IL1RAPL1: variants seen among roughly 807,000 people sequenced by gnomAD.
IL1RAPL1 encodes the protein interleukin 1 receptor accessory protein like 1, also known as interleukin-1 receptor accessory protein-like 1.
A neutral mutation model predicts 48.4 loss-of-function variants in IL1RAPL1; 3 were observed. That is an observed-to-expected ratio of 0.06 (90% CI 0.03 to 0.16). The LOEUF (loss-of-function observed/expected upper bound fraction) is 0.16. Ranked by LOEUF, IL1RAPL1 falls within the 10% of genes least tolerant of loss-of-function variation. IL1RAPL1 has a pLI of 1.00. For missense variants in IL1RAPL1, 349 were observed against 530.6 expected (o/e 0.66, Z 3.36); for synonymous variants, 185 against 187.7 (o/e 0.99, Z 0.12).
At chrX:29,686,726 T>G (rs1440690714) in intron 6 of IL1RAPL1, among the ~76,000 whole-genome samples, 6 of 108,218 alleles carry the variant, frequency 5.5e-5, no homozygotes, top group African/African-American at 2.0e-4. Context: ...CCCAGCTAAT[T>G]TTTTGTATTT....
intron 2 of IL1RAPL1, among the ~76,000 whole-genome samples, chrX:29,049,197 C>T (rs755986148): frequency 1.3e-4 from 15 of 112,111 alleles, no homozygotes; most frequent in Non-Finnish European, 2.1e-4. Flanking sequence ...CTTTTCAGAC[C>T]GTTTTATTGG....
intron 3 of IL1RAPL1, among the ~76,000 whole-genome samples, chrX:29,351,800 C>T (rs1439170424): frequency 1.8e-5 from 2 of 111,538 alleles, no homozygotes; most frequent in African/African-American, 6.5e-5. Context: ...TGCTTTTATC[C>T]AAGCTGCCCT....
At chrX:29,171,364 T>C (rs1929904140) in intron 2 of IL1RAPL1, among the ~76,000 whole-genome samples, 1 of 111,679 alleles carries the variant, frequency 9.0e-6, no homozygotes, top group Admixed American at 9.6e-5. Flanking sequence ...TCTGTGTGAA[T>C]GACCTGAACT....
chrX:29,120,302 G>A (rs1928756304), intron 2 of IL1RAPL1, among the ~76,000 whole-genome samples: 2 of 111,710 alleles, frequency 1.8e-5, no homozygotes, highest in South Asian at 3.7e-4. Flanking sequence ...AATTCATCTC[G>A]AGTTATTTTT....
At chrX:29,037,467 T>C (rs1926753804) in intron 2 of IL1RAPL1, among the ~76,000 whole-genome samples, 1 of 111,622 alleles carries the variant, frequency 9.0e-6, no homozygotes, top group Non-Finnish European at 1.9e-5. Context: ...ATACTAAAAA[T>C]GGAATTATTT....
At chrX:29,080,949 TTTCTTTCTTTCTTTCTTTC>T (rs747961366) in intron 2 of IL1RAPL1, among the ~76,000 whole-genome samples, 1 of 30,236 alleles carries the variant, frequency 3.3e-5, no homozygotes, top group African/African-American at 2.0e-4. Context: ...TCTTTCTTTC[TTTCTTTCTTTCTTTCTTTC>T]TTTCTTTCTT....
chrX:29,855,411 T>A (rs1931457883), intron 6 of IL1RAPL1, among the ~76,000 whole-genome samples: 1 of 111,892 alleles, frequency 8.9e-6, no homozygotes, highest in African/African-American at 3.2e-5. Flanking sequence ...TCTTTAAATA[T>A]ATGCCATTTT....
rs186924261 is a variant in IL1RAPL1 at position 29,879,539 on chromosome X, T to C, written c.779-37925T>C. Among the ~76,000 whole-genome samples, 7 of 109,723 alleles carry C rather than the reference T, an allele frequency of 6.4e-5. No individual in the cohort carries two copies. The East Asian group carries it at 1.7e-3, about 27-fold the overall frequency. On this transcript the variant is annotated intron_variant, in intron 6 of 10. Coordinates refer to ENST00000378993, the MANE Select transcript of IL1RAPL1 (RefSeq NM_014271.4). ...TTTAAAATATATCAAAAATATCATA[T>C]TGTTCCTTATAAATCTATAAGCATA...
intron 2 of IL1RAPL1, among the ~76,000 whole-genome samples, chrX:28,957,279 A>C (rs1347699225): frequency 8.9e-6 from 1 of 111,941 alleles, no homozygotes; most frequent in African/African-American, 3.2e-5. Flanking sequence ...AACTTAAAGT[A>C]TAATAATAAA....
chrX:29,502,173 T>C (rs975503368), intron 5 of IL1RAPL1, among the ~76,000 whole-genome samples: 16 of 111,592 alleles, frequency 1.4e-4, no homozygotes, highest in Non-Finnish European at 3.0e-4. Flanking sequence ...ATTTGGTTTT[T>C]TTGTATCCTG....
At chrX:28,624,821 C>T (rs2146890191) in intron 1 of IL1RAPL1, among the ~76,000 whole-genome samples, 1 of 112,178 alleles carries the variant, frequency 8.9e-6, no homozygotes, top group East Asian at 2.8e-4. Context: ...TCCCCAATGA[C>T]TCTGAACCGA....
At chrX:29,445,030 G>C (rs1355057443) in intron 5 of IL1RAPL1, among the ~76,000 whole-genome samples, 1 of 112,410 alleles carries the variant, frequency 8.9e-6, no homozygotes, top group African/African-American at 3.2e-5. Context: ...TAGCCCTGTG[G>C]GCTGAAGTTG....
At chrX:29,546,728 T>A (rs1011387285) in intron 5 of IL1RAPL1, among the ~76,000 whole-genome samples, 2 of 111,927 alleles carry the variant, frequency 1.8e-5, no homozygotes. Flanking sequence ...TTCACTTTAG[T>A]TATCAGAAGT....
chrX:29,545,365 C>T (rs1356910453), intron 5 of IL1RAPL1, among the ~76,000 whole-genome samples: 1 of 111,426 alleles, frequency 9.0e-6, no homozygotes, highest in Non-Finnish European at 1.9e-5. Flanking sequence ...TAATACCTTA[C>T]ATGGTATAAA....
intron 1 of IL1RAPL1, among the ~76,000 whole-genome samples, chrX:28,748,449 G>T (rs1340982945): frequency 9.0e-6 from 1 of 111,501 alleles, no homozygotes; most frequent in Non-Finnish European, 1.9e-5. Context: ...AGGTTTTTGT[G>T]GGTATATGGT....
intron 5 of IL1RAPL1, among the ~76,000 whole-genome samples, chrX:29,466,413 A>G (rs759367408): frequency 9.0e-6 from 1 of 111,725 alleles, no homozygotes; most frequent in African/African-American, 3.3e-5. Flanking sequence ...AAAACCTGAA[A>G]CCTCCTGTCC....
At chrX:29,122,366 G>T (rs1928805490) in intron 2 of IL1RAPL1, among the ~76,000 whole-genome samples, 1 of 106,798 alleles carries the variant, frequency 9.4e-6, no homozygotes, top group Non-Finnish European at 1.9e-5. Flanking sequence ...CATAGAAATT[G>T]ATTTGGGATA....
intron 1 of IL1RAPL1, among the ~76,000 whole-genome samples, chrX:28,661,101 T>G (rs1267676565): frequency 8.9e-6 from 1 of 111,791 alleles, no homozygotes; most frequent in Non-Finnish European, 1.9e-5. Context: ...CATCTAGATC[T>G]CAAGTGAAAT....
intron 1 of IL1RAPL1, among the ~76,000 whole-genome samples, chrX:28,730,227 C>G (rs1364545292): frequency 9.0e-6 from 1 of 111,177 alleles, no homozygotes; most frequent in Non-Finnish European, 1.9e-5. Flanking sequence ...AGGAAATTCC[C>G]CTGCTTAACT....
Sources: gnomAD v4.1 joint callset for allele counts (sites outside exome capture counted in the v4.1 genomes callset) on GRCh38, gnomAD v4.1.1 for gene constraint, MANE v1.5 for transcripts, NCBI Gene and HGNC (gene_info 2026-07-23, HGNC 2026-07-21) for gene names.